Variants in PAPSS2 observed in about 807,000 individuals in gnomAD.
PAPSS2 encodes bifunctional 3'-phosphoadenosine 5'-phosphosulfate synthase 2.
Under a neutral mutation model 66.5 loss-of-function variants are expected in PAPSS2, and 61 were observed. That is an observed-to-expected ratio of 0.92 (90% CI 0.75 to 1.14). The LOEUF is 1.14. Among genes scored for constraint, PAPSS2 ranks in the 50% most tolerant of loss-of-function variants. The pLI, the probability that PAPSS2 is intolerant of heterozygous loss-of-function variation, is 0.00. For missense variants in PAPSS2, 708 were observed against 789.6 expected, an observed-to-expected ratio of 0.90 and a Z score of 1.24; for synonymous variants, 289 against 287.5, an observed-to-expected ratio of 1.01 and a Z score of -0.05.
intron 2 of PAPSS2, among the ~76,000 whole-genome samples, chr10:87,712,242 T>C (rs1259966454): frequency 6.6e-6 from 1 of 152,156 alleles, no homozygotes; most frequent in African/African-American, 2.4e-5. Flanking sequence ...GAGAGTCATT[T>C]TGGAAACATC....
rs1210959470 is a variant in PAPSS2, at chr10:87,659,893, T to C, written c.-89T>C. 4 of 1,326,252 alleles carry C rather than the reference T, an allele frequency of 3.0e-6. No homozygotes were observed. The highest frequency in any genetic ancestry group is 2.4e-5 in the South Asian group (2 of 83,682). 82.2% of individuals were successfully genotyped at this position (1,326,252 alleles called of 1,614,324 possible). A position where few individuals can be genotyped will look rare whatever the true frequency, so the allele number is the denominator to read the frequency against. On this transcript the variant is annotated 5_prime_UTR_variant, in exon 1 of 13. Coordinates refer to ENST00000456849, the MANE Select transcript of PAPSS2 (RefSeq NM_001015880.2). ...GGAGTCCGGCAGCCGCTGCTGCTGCTGCTGCTGCTGCTGCCGCCGCCGCCG... is the reference window on the plus strand; with the variant it reads ...GGAGTCCGGCAGCCGCTGCTGCTGCCGCTGCTGCTGCTGCCGCCGCCGCCG...
intron 1 of PAPSS2, among the ~76,000 whole-genome samples, chr10:87,706,096 A>ATGTGTGTGTG (rs1853381480): frequency 1.2e-5 from 1 of 86,826 alleles, no homozygotes; most frequent in Non-Finnish European, 2.1e-5. Context: ...ATATATATAT[A>ATGTGTGTGTG]TATATATATA....
Position 87,686,249 on chromosome 10 carries a change from A to G in PAPSS2, c.28-22947A>G, listed in dbSNP as rs144772508. Among the ~76,000 whole-genome samples the G allele has an allele frequency of 5.1e-4, 76 of 147,722 alleles. 1 individual carries two copies. The East Asian group carries it at 0.014, about 27-fold the overall frequency. On this transcript the variant is annotated intron_variant, in intron 1 of 12. Transcript: ENST00000456849. Reference sequence around the variant, plus strand: ...TTTACAAAAGTTAAGTGTGCAAGCTATCCTGTCGAACTTTGTCCTTTTTTT... The same window carrying G: ...TTTACAAAAGTTAAGTGTGCAAGCTGTCCTGTCGAACTTTGTCCTTTTTTT...
rs748579112 is a variant in PAPSS2, at chr10:87,743,506, GACC to G, written c.1358_1360del (p.Thr453del). The G allele has an allele frequency of 1.9e-6, 3 of 1,614,024 alleles. No individual in the cohort carries two copies. The highest frequency in any genetic ancestry group is 1.3e-5 in the African/African-American group (1 of 74,924). On this transcript the variant is annotated inframe_deletion, in exon 11 of 13. Transcript: ENST00000456849. Reference sequence around the variant, plus strand: ...TCCTACTACACCCTCTGGGCGGCTGGACCAAGGATGACGATGTGCCTCTAGACT... The same window carrying G: ...TCCTACTACACCCTCTGGGCGGCTGGAAGGATGACGATGTGCCTCTAGACT...
At chr10:87,660,031 C>T (rs539770537) in intron 1 of PAPSS2, 23 bp downstream of exon 1, 9 of 1,607,538 alleles carry the variant, frequency 5.6e-6, no homozygotes, top group Non-Finnish European at 7.6e-6. Context: ...GCGCCGGCTT[C>T]CCTCCCCGCC....
intron 9 of PAPSS2, among the ~76,000 whole-genome samples, chr10:87,728,426 C>T (rs1280698905): frequency 1.3e-5 from 2 of 152,190 alleles, no homozygotes; most frequent in Non-Finnish European, 2.9e-5. Context: ...TCCCTCTGGG[C>T]CTCAGTTTCT....
intron 9 of PAPSS2, among the ~76,000 whole-genome samples, chr10:87,737,992 C>T (rs954699907): frequency 1.2e-4 from 18 of 152,172 alleles, no homozygotes; most frequent in African/African-American, 4.3e-4. Context: ...TTGTGACTGG[C>T]TTATTTCACT....
At chr10:87,745,337 C>A in intron 12 of PAPSS2, 106 bp downstream of exon 12, 1 of 861,236 alleles carries the variant, frequency 1.2e-6, no homozygotes, top group Non-Finnish European at 1.9e-6. Flanking sequence ...CACATGCTCC[C>A]AAGTGGACTG....
chr10:87,665,846 G>T (rs982946575), intron 1 of PAPSS2, among the ~76,000 whole-genome samples: 1 of 152,080 alleles, frequency 6.6e-6, no homozygotes, highest in Admixed American at 6.6e-5. Context: ...CAGCAAATAT[G>T]CCCCATAAGG....
intron 12 of PAPSS2, among the ~76,000 whole-genome samples, chr10:87,745,605 A>G (rs890455836): frequency 2.6e-5 from 4 of 152,216 alleles, no homozygotes; most frequent in Non-Finnish European, 4.4e-5. Context: ...TCTGGGCTCA[A>G]GACACTTCCC....
chr10:87,683,409 C>A (rs1226515090), intron 1 of PAPSS2, among the ~76,000 whole-genome samples: 7 of 152,196 alleles, frequency 4.6e-5, no homozygotes, highest in Non-Finnish European at 1.0e-4. Context: ...CCGTGCCTGG[C>A]CCACAGCTAT....
chr10:87,721,649 G>A (rs1380431279), intron 7 of PAPSS2, 107 bp from the exon 8 acceptor site: 2 of 732,588 alleles, frequency 2.7e-6, no homozygotes, highest in South Asian at 1.7e-5. Flanking sequence ...TTTGTATGTT[G>A]TATATGTGAA....
intron 1 of PAPSS2, 82 bp downstream of exon 1, chr10:87,660,090 G>C (rs974686849): frequency 7.7e-6 from 11 of 1,423,752 alleles, no homozygotes; most frequent in African/African-American, 4.2e-5. Flanking sequence ...CGGCACTTGG[G>C]TCCCACCCTC....
intron 9 of PAPSS2, among the ~76,000 whole-genome samples, chr10:87,738,375 A>T (rs1853825734): frequency 6.6e-6 from 1 of 151,806 alleles, no homozygotes; most frequent in Non-Finnish European, 1.5e-5. Context: ...CTACATCCTC[A>T]CCAACACCAA....
intron 9 of PAPSS2, among the ~76,000 whole-genome samples, chr10:87,729,300 A>G (rs893684904): frequency 2.0e-5 from 3 of 149,374 alleles, no homozygotes; most frequent in Non-Finnish European, 3.0e-5. Flanking sequence ...TGTGAGTGCC[A>G]TTTTCCCAGC....
rs1288239492 is a variant in PAPSS2 at position 87,713,954 on chromosome 10, G to A, written c.382-90G>A. 3 of 1,356,656 alleles carry A rather than the reference G, an allele frequency of 2.2e-6. No individual in the cohort carries two copies. In the African/African-American group the frequency reaches 4.3e-5, roughly 19 times the overall value. The allele number at this position is 1,356,656 out of a possible 1,614,324, so 84.0% of individuals were successfully genotyped here. A position where few individuals can be genotyped will look rare whatever the true frequency, so the allele number is the denominator to read the frequency against. On this transcript the variant is annotated intron_variant, in intron 3 of 12. Coordinates refer to ENST00000456849, the MANE Select transcript of PAPSS2 (RefSeq NM_001015880.2). ...AGCACAAACCCCAGTGTTATCTCAAGGCTATTGAAAACCAAAGTACACAGT... is the reference window on the plus strand; with the variant it reads ...AGCACAAACCCCAGTGTTATCTCAAAGCTATTGAAAACCAAAGTACACAGT...
At chr10:87,728,877 CCT>C (rs1853692270) in intron 9 of PAPSS2, among the ~76,000 whole-genome samples, 1 of 152,082 alleles carries the variant, frequency 6.6e-6, no homozygotes, top group African/African-American at 2.4e-5. Context: ...TTTTAAGTCC[CCT>C]GTTTGTGGCC....
intron 1 of PAPSS2, among the ~76,000 whole-genome samples, chr10:87,687,742 T>C (rs1853106229): frequency 6.6e-6 from 1 of 152,188 alleles, no homozygotes; most frequent in South Asian, 2.1e-4. Context: ...GATTTCATCA[T>C]TACACAAGGT....
At chr10:87,741,084 C>A (rs759014484) in intron 9 of PAPSS2, 151 bp from the exon 10 acceptor site, 7 of 810,238 alleles carry the variant, frequency 8.6e-6, no homozygotes, top group Admixed American at 4.3e-5. Context: ...TTCTAGAGAC[C>A]AAAAAGTTTG....
Sources: gnomAD v4.1 joint callset for allele counts (sites outside exome capture counted in the v4.1 genomes callset) on GRCh38, gnomAD v4.1.1 for gene constraint, MANE v1.5 for transcripts, NCBI Gene and HGNC (gene_info 2026-07-23, HGNC 2026-07-21) for gene names.